CFAP43: variants seen among roughly 807,000 people sequenced by gnomAD.
CFAP43 encodes the protein cilia and flagella associated protein 43, also known as cilia- and flagella-associated protein 43.
CFAP43 carries 155 observed loss-of-function variants against 218.9 expected under a neutral mutation model. That is an observed-to-expected ratio of 0.71 (90% confidence interval 0.62 to 0.81). The LOEUF (loss-of-function observed/expected upper bound fraction) is 0.81. Ranked by LOEUF, CFAP43 falls within the 30% of genes least tolerant of loss-of-function variation. The pLI, the probability that CFAP43 is intolerant of heterozygous loss-of-function variation, is 0.00. For missense variants in CFAP43, 1,778 were observed against 1,954.3 expected, an observed-to-expected ratio of 0.91 and a Z score of 1.70; for synonymous variants, 645 against 681.3, an observed-to-expected ratio of 0.95 and a Z score of 0.83.
intron 22 of CFAP43, 52 bp downstream of exon 22, chr10:104,167,567 ACT>A: frequency 1.5e-6 from 2 of 1,338,470 alleles, no homozygotes; most frequent in Non-Finnish European, 2.0e-6. Flanking sequence ...AACAAAGGAG[ACT>A]CTAAAATAAA....
chr10:104,166,733 A>T lies in CFAP43; in HGVS notation c.2809-15T>A, dbSNP rs757512508. On this transcript the variant is annotated splice_polypyrimidine_tract_variant and intron_variant, in intron 22 of 37. Transcript: ENST00000357060. ...TCCTTCCGTAGCTACATGTAGAAAA[A>T]GATGACACAGAAGTTATGCAATAAT... The T allele has an allele frequency of 1.2e-5, 19 of 1,586,338 alleles. No individual in the cohort carries two copies. Among genetic ancestry groups the T allele is most frequent in the African/African-American group, 4.1e-5 (3 of 73,810 alleles).
chr10:104,194,481 T>C (rs2090329381), intron 10 of CFAP43, among the ~76,000 whole-genome samples: 1 of 152,178 alleles, frequency 6.6e-6, no homozygotes, highest in Non-Finnish European at 1.5e-5. Context: ...GTGATCCTAC[T>C]GTGTCAGCCT....
chr10:104,225,373 T>C, intron 3 of CFAP43, 88 bp downstream of exon 3: 2 of 1,033,200 alleles, frequency 1.9e-6, no homozygotes, highest in Non-Finnish European at 2.8e-6. Context: ...TTTCAGATTT[T>C]TCATGTCTAT....
At chr10:104,192,377 CCA>C (rs200467306) in intron 11 of CFAP43, 75 bp from the exon 12 acceptor site, 37,954 of 1,097,134 alleles carry the variant, frequency 0.035, 934 homozygotes, top group Non-Finnish European at 0.037. Context: ...TATTGAATGG[CCA>C]CAGAGATATG....
At chr10:104,193,202 G>A (rs1213126534) in intron 11 of CFAP43, 1 of 152,040 alleles carries the variant, frequency 6.6e-6, no homozygotes, top group Non-Finnish European at 1.5e-5. Context: ...TACTCTAAAT[G>A]TTCATTAATA....
intron 8 of CFAP43, among the ~76,000 whole-genome samples, chr10:104,201,224 C>A (rs1292394748): frequency 2.0e-5 from 3 of 152,014 alleles, no homozygotes; most frequent in Non-Finnish European, 4.4e-5. Context: ...GCCCATTTAT[C>A]TTTAGTAATG....
chr10:104,194,155 C>T (rs2090317874), intron 10 of CFAP43, 141 bp from the exon 11 acceptor site: 4 of 874,798 alleles, frequency 4.6e-6, no homozygotes, highest in Non-Finnish European at 7.0e-6. Context: ...TCAAATTATA[C>T]CCTCAACGTT....
intron 3 of CFAP43, chr10:104,218,922 C>G: frequency 4.3e-6 from 2 of 467,734 alleles, no homozygotes; most frequent in Non-Finnish European, 8.7e-6. Context: ...CCCGAGGAGC[C>G]ACCACACCAA....
At chr10:104,152,413 G>A (rs966428570) in intron 28 of CFAP43, among the ~76,000 whole-genome samples, 194 bp downstream of exon 28, 1 of 152,002 alleles carries the variant, frequency 6.6e-6, no homozygotes, top group African/African-American at 2.4e-5. Context: ...GGAGGGTATT[G>A]GGTGTGTTCA....
chr10:104,142,080 C>T lies in CFAP43; in HGVS notation c.4271+201G>A, dbSNP rs116115676. Among the ~76,000 whole-genome samples the T allele has an allele frequency of 6.3e-3, 959 of 152,212 alleles. 11 individuals carry two copies. Among genetic ancestry groups the T allele is most frequent in the African/African-American group, 0.023 (939 of 41,540 alleles). ...GAAACTTGCTTATTTGTAATAAGAG[C>T]AACAAAACGTGGGAAAGTTCCATCC... is the stretch of plus-strand genomic sequence containing the variant. On this transcript the variant is annotated intron_variant, in intron 33 of 37. Coordinates refer to ENST00000357060, the MANE Select transcript of CFAP43 (RefSeq NM_025145.7).
intron 35 of CFAP43, 35 bp downstream of exon 35, chr10:104,133,585 A>T (rs761877034): frequency 1.3e-6 from 2 of 1,584,000 alleles, no homozygotes; most frequent in Non-Finnish European, 1.7e-6. Context: ...TAATGAATAA[A>T]ATTAAAACTA....
At chr10:104,147,558 A>G (rs2088035678) in intron 29 of CFAP43, among the ~76,000 whole-genome samples, 1 of 152,172 alleles carries the variant, frequency 6.6e-6, no homozygotes, top group Non-Finnish European at 1.5e-5. Flanking sequence ...AAATAGCTTA[A>G]AAGGTTATAT....
intron 30 of CFAP43, 151 bp downstream of exon 30, chr10:104,146,112 A>T: frequency 1.8e-6 from 1 of 546,674 alleles, no homozygotes; most frequent in Non-Finnish European, 3.2e-6. Flanking sequence ...TCAAAAATAT[A>T]CAATGGCATA....
At chr10:104,199,212 A>C (rs1208220816) in intron 8 of CFAP43, among the ~76,000 whole-genome samples, 6 of 152,174 alleles carry the variant, frequency 3.9e-5, no homozygotes, top group East Asian at 1.9e-4. Context: ...TCTAAAAAAA[A>C]ATCTGTTCTG....
rs1278455541 is a variant in CFAP43 at position 104,142,405 on chromosome 10, A to C, written c.4159-12T>G. The C allele has an allele frequency of 6.2e-7, 1 of 1,607,188 alleles. No individual in the cohort carries two copies. Among genetic ancestry groups the C allele is most frequent in the Admixed American group, 1.7e-5 (1 of 59,604 alleles). ...GCTTTCTGCTTTACCTAAAGAAACC[A>C]AGCCAGAAACATGTCAGAACATATG... is the stretch of plus-strand genomic sequence containing the variant. On this transcript the variant is annotated splice_polypyrimidine_tract_variant and intron_variant, in intron 32 of 37. Coordinates refer to ENST00000357060, the MANE Select transcript of CFAP43 (RefSeq NM_025145.7).
At chr10:104,197,606 G>A (rs1402005120) in intron 9 of CFAP43, among the ~76,000 whole-genome samples, 3 of 152,212 alleles carry the variant, frequency 2.0e-5, no homozygotes, top group East Asian at 1.9e-4. Context: ...TTTTAAAAAC[G>A]TGTTAAAGCC....
intron 32 of CFAP43, 83 bp downstream of exon 32, chr10:104,143,342 GC>G (rs1403507764): frequency 8.4e-7 from 1 of 1,190,014 alleles, no homozygotes; most frequent in Admixed American, 2.5e-5. Flanking sequence ...TAAATAATTA[GC>G]TTTTTTGGTT....
intron 20 of CFAP43, among the ~76,000 whole-genome samples, chr10:104,171,917 G>C (rs2089430262): frequency 1.3e-5 from 2 of 152,298 alleles, no homozygotes; most frequent in Middle Eastern, 3.4e-3. Context: ...TATAATATAT[G>C]ATGGTCATAG....
chr10:104,132,079 C>A, intron 36 of CFAP43, 37 bp downstream of exon 36: 1 of 1,444,256 alleles, frequency 6.9e-7, no homozygotes, highest in Non-Finnish European at 9.5e-7. Flanking sequence ...TGATTTACAA[C>A]TGTTAGGATA....
Sources: gnomAD v4.1 joint callset for allele counts (sites outside exome capture counted in the v4.1 genomes callset) on GRCh38, gnomAD v4.1.1 for gene constraint, MANE v1.5 for transcripts, NCBI Gene and HGNC (gene_info 2026-07-23, HGNC 2026-07-21) for gene names.